Variants in TENM4 observed in about 807,000 individuals in gnomAD.
The protein encoded by TENM4 is teneurin transmembrane protein 4, also known as teneurin-4.
In TENM4, 82 loss-of-function variants were observed where a neutral mutation model predicts 243.3. The ratio of observed to expected loss-of-function variants is 0.34; its 90% confidence interval spans 0.28 to 0.40. The LOEUF is 0.40. TENM4 is among the 10% of genes least tolerant of loss of function. TENM4 has a pLI of 1.00. For synonymous variants in TENM4, 1,412 were observed against 1,456.3 expected (o/e 0.97, Z 0.69); for missense variants, 3,138 against 3,673.3 (o/e 0.85, Z 3.77).
intron 13 of TENM4, 75 bp from the exon 14 acceptor site, chr11:78,812,391 C>T (rs1475669281): frequency 6.7e-7 from 1 of 1,492,742 alleles, no homozygotes; most frequent in Non-Finnish European, 9.0e-7. Context: ...CTTTCTCCTC[C>T]TGGCCTGCCT....
chr11:78,912,429 A>G (rs1399380703), intron 6 of TENM4, among the ~76,000 whole-genome samples: 2 of 152,034 alleles, frequency 1.3e-5, no homozygotes, highest in Non-Finnish European at 2.9e-5. Flanking sequence ...TAATTTTTAA[A>G]TTTTTTTAGT....
intron 6 of TENM4, among the ~76,000 whole-genome samples, chr11:79,016,804 G>C (rs1039406205): frequency 1.3e-5 from 2 of 152,236 alleles, no homozygotes; most frequent in African/African-American, 4.8e-5. Flanking sequence ...TTCATCAAAA[G>C]ACCCCAAAGA....
intron 2 of TENM4, among the ~76,000 whole-genome samples, chr11:79,257,189 T>A (rs1307198575): frequency 6.6e-6 from 1 of 152,120 alleles, no homozygotes; most frequent in East Asian, 1.9e-4. Flanking sequence ...ACTAAGGAAC[T>A]AGGCCTCAAG....
rs551568722 is a variant in TENM4, at chr11:78,751,067, G to T, written c.2756+5738C>A. ...GCTAATTTTTTGTATTTTTCATAGA[G>T]ACGGGGTTTTGCCACATTGCCCAGG... On this transcript the variant is annotated intron_variant, in intron 19 of 33. Coordinates refer to ENST00000278550, the MANE Select transcript of TENM4 (RefSeq NM_001098816.3). Among the ~76,000 whole-genome samples, 7 of 152,254 alleles carry T rather than the reference G, an allele frequency of 4.6e-5. No homozygotes were observed. The South Asian group carries it at 1.0e-3, about 23-fold the overall frequency.
intron 21 of TENM4, among the ~76,000 whole-genome samples, chr11:78,730,186 G>C (rs1026576436): frequency 2.6e-5 from 4 of 152,228 alleles, no homozygotes; most frequent in African/African-American, 7.2e-5. Context: ...CAGAAACGCT[G>C]TCAGGTGGCA....
At chr11:79,339,148 T>A (rs1393706977) in intron 1 of TENM4, among the ~76,000 whole-genome samples, 1 of 152,140 alleles carries the variant, frequency 6.6e-6, no homozygotes, top group African/African-American at 2.4e-5. Context: ...AGCAGGGGAT[T>A]GTTGGACGGG....
intron 3 of TENM4, among the ~76,000 whole-genome samples, chr11:79,180,812 C>T (rs992459959): frequency 1.3e-5 from 2 of 150,224 alleles, no homozygotes; most frequent in African/African-American, 4.9e-5. Flanking sequence ...GACCACATCT[C>T]AAAAATAAGT....
chr11:79,301,130 C>T (rs907579069), intron 1 of TENM4, among the ~76,000 whole-genome samples: 20 of 152,200 alleles, frequency 1.3e-4, no homozygotes, highest in African/African-American at 4.1e-4. Context: ...ATTCTCTCAC[C>T]ACCTGAAGCC....
chr11:79,066,094 A>C (rs1383492390), intron 5 of TENM4, among the ~76,000 whole-genome samples: 1 of 152,230 alleles, frequency 6.6e-6, no homozygotes, highest in Admixed American at 6.5e-5. Flanking sequence ...AGCAGTGAAT[A>C]GGATACAGTG....
At chr11:79,332,577 C>G (rs1857078928) in intron 1 of TENM4, among the ~76,000 whole-genome samples, 1 of 152,154 alleles carries the variant, frequency 6.6e-6, no homozygotes, top group Admixed American at 6.5e-5. Flanking sequence ...GCAAGCTCTG[C>G]TCTTTGCAAC....
At chr11:79,110,488 G>A (rs11827935) in intron 4 of TENM4, among the ~76,000 whole-genome samples, 329 of 152,308 alleles carry the variant, frequency 2.2e-3, no homozygotes, top group African/African-American at 7.4e-3. Flanking sequence ...GGAGAGGAAT[G>A]CATGCTGGTG....
At chr11:79,138,437 A>G (rs1862163372) in intron 4 of TENM4, among the ~76,000 whole-genome samples, 1 of 115,846 alleles carries the variant, frequency 8.6e-6, no homozygotes, top group African/African-American at 3.6e-5. Context: ...ATATAAATAT[A>G]TATTATATTT....
At chr11:79,229,274 A>G (rs1172782967) in intron 2 of TENM4, among the ~76,000 whole-genome samples, 1 of 152,222 alleles carries the variant, frequency 6.6e-6, no homozygotes, top group Non-Finnish European at 1.5e-5. Context: ...GCATCTACGC[A>G]GTCTCTGCTA....
At chr11:79,218,237 C>CCTG (rs200507281) in intron 2 of TENM4, among the ~76,000 whole-genome samples, 3 of 118,880 alleles carry the variant, frequency 2.5e-5, no homozygotes, top group Admixed American at 8.5e-5. Flanking sequence ...CCTGCCCACC[C>CCTG]ACCCCCGACA....
At chr11:79,168,796 C>T (rs4359232) in intron 3 of TENM4, among the ~76,000 whole-genome samples, 52,682 of 152,042 alleles carry the variant, frequency 0.35, 9,511 homozygotes, top group East Asian at 0.43. Flanking sequence ...ATCAATAGGA[C>T]GAGGCAAAGT....
At chr11:79,390,143 C>A (rs971904236) in intron 1 of TENM4, among the ~76,000 whole-genome samples, 3 of 152,192 alleles carry the variant, frequency 2.0e-5, no homozygotes, top group African/African-American at 7.2e-5. Flanking sequence ...GAAATGCAGA[C>A]CTCAGAGGTT....
chr11:79,270,110 G>A (rs1032949519), intron 2 of TENM4, among the ~76,000 whole-genome samples: 10 of 151,888 alleles, frequency 6.6e-5, no homozygotes, highest in South Asian at 4.2e-4. Context: ...TAGCACCACC[G>A]TCCTTTCGCC....
intron 6 of TENM4, among the ~76,000 whole-genome samples, chr11:79,026,097 G>A (rs1182841470): frequency 6.6e-6 from 1 of 152,194 alleles, no homozygotes; most frequent in Non-Finnish European, 1.5e-5. Flanking sequence ...CAGGATTCAG[G>A]GCAGTGCCTG....
chr11:79,321,640 C>CAA lies in TENM4; in HGVS notation c.-320-24099_-320-24098dup, dbSNP rs60886884. ...ACTTTCTGCACAAGCAGGAAATTAC[C>CAA]AAAAAAAAAAAAAAAAAAAAAAAAG... On this transcript the variant is annotated intron_variant, in intron 1 of 33. Coordinates refer to ENST00000278550, the MANE Select transcript of TENM4 (RefSeq NM_001098816.3). Among the ~76,000 whole-genome samples the CAA allele has an allele frequency of 6.0e-3, 491 of 82,196 alleles. 3 individuals are homozygous for CAA. The highest frequency in any genetic ancestry group is 0.016 in the African/African-American group (351 of 21,926). The allele number at this position is 82,196 out of a possible 152,430, so 53.9% of individuals were successfully genotyped here.
Sources: allele counts gnomAD v4.1 joint callset (sites outside exome capture counted in the v4.1 genomes callset), GRCh38; gene constraint gnomAD v4.1.1; transcripts MANE v1.5; gene names NCBI Gene and HGNC (gene_info 2026-07-23, HGNC 2026-07-21).